Variants in CNTNAP5 observed in about 807,000 individuals in gnomAD.
The protein encoded by CNTNAP5 is contactin-associated protein-like 5.
CNTNAP5 carries 72 observed loss-of-function variants against 150.2 expected under a neutral mutation model. The observed-to-expected ratio is 0.48, with a 90% confidence interval of 0.40 to 0.58. The LOEUF is 0.58. Among genes scored for constraint, CNTNAP5 ranks in the 20% least tolerant of loss-of-function variants. CNTNAP5 has a pLI of 0.00. For synonymous variants in CNTNAP5, 672 were observed against 619.8 expected (o/e 1.08, Z -1.25); for missense variants, 1,636 against 1,626.2 (o/e 1.01, Z -0.10).
chr2:124,532,145 G>C (rs746808721), intron 10 of CNTNAP5, among the ~76,000 whole-genome samples: 3 of 152,194 alleles, frequency 2.0e-5, no homozygotes, highest in Non-Finnish European at 2.9e-5. Flanking sequence ...AGCTCAAAGT[G>C]GGGGAGTAGA....
At chr2:124,472,025 C>A (rs1046830313) in intron 6 of CNTNAP5, among the ~76,000 whole-genome samples, 3 of 151,860 alleles carry the variant, frequency 2.0e-5, no homozygotes, top group African/African-American at 7.3e-5. Flanking sequence ...GATTTAGGAG[C>A]CATTCATATG....
chr2:124,355,086 T>C (rs1410245820), intron 3 of CNTNAP5, among the ~76,000 whole-genome samples: 1 of 150,566 alleles, frequency 6.6e-6, no homozygotes, highest in Non-Finnish European at 1.5e-5. Context: ...ATTTATAATA[T>C]AATATATTTA....
At chr2:124,855,746 C>G (rs1677358144) in intron 19 of CNTNAP5, among the ~76,000 whole-genome samples, 1 of 151,782 alleles carries the variant, frequency 6.6e-6, no homozygotes, top group Non-Finnish European at 1.5e-5. Context: ...TTTTGGGGAA[C>G]AGTTGGTATT....
At chr2:124,827,310 A>G (rs1160591637) in intron 19 of CNTNAP5, among the ~76,000 whole-genome samples, 6 of 152,096 alleles carry the variant, frequency 3.9e-5, no homozygotes, top group East Asian at 3.9e-4. Context: ...GCTGGTGGCG[A>G]GTCACAGGGG....
chr2:124,818,411 C>T (rs772554089), intron 19 of CNTNAP5, among the ~76,000 whole-genome samples: 1 of 152,072 alleles, frequency 6.6e-6, no homozygotes, highest in Non-Finnish European at 1.5e-5. Context: ...TAGGTTGTCC[C>T]AGCTACTTGG....
intron 1 of CNTNAP5, among the ~76,000 whole-genome samples, chr2:124,114,810 CAT>C (rs1298843149): frequency 1.3e-5 from 2 of 151,354 alleles, no homozygotes; most frequent in Non-Finnish European, 3.0e-5. Context: ...ATATACCAAA[CAT>C]ATGGATATAT....
At chr2:124,465,734 A>G (rs978085107) in intron 6 of CNTNAP5, among the ~76,000 whole-genome samples, 8 of 152,200 alleles carry the variant, frequency 5.3e-5, no homozygotes, top group East Asian at 1.9e-4. Flanking sequence ...AAATATCTCA[A>G]TGCAAAAGAC....
intron 21 of CNTNAP5, among the ~76,000 whole-genome samples, chr2:124,894,502 A>G (rs1678263338): frequency 6.6e-6 from 1 of 151,312 alleles, no homozygotes; most frequent in Admixed American, 6.6e-5. Flanking sequence ...TCCCAAAGAA[A>G]TGAGATTTTA....
At chr2:124,437,177 G>A (rs920989219) in intron 5 of CNTNAP5, among the ~76,000 whole-genome samples, 1 of 152,142 alleles carries the variant, frequency 6.6e-6, no homozygotes, top group Admixed American at 6.5e-5. Context: ...TCCTAAAGTA[G>A]GTACTTGAGG....
chr2:124,834,791 G>GTATATA lies in CNTNAP5; in HGVS notation c.3218-30502_3218-30497dup, dbSNP rs35344366. 4.2e-3 allele frequency among the ~76,000 whole-genome samples: 626 copies of GTATATA among 147,500 alleles called. 4 individuals carry two copies. The highest frequency in any genetic ancestry group is 0.011 in the African/African-American group (441 of 40,326). Reference sequence around the variant, plus strand: ...AAAGATACCTTTAAAATATTTCACAGTATATATATATATATATACTTATCA... The same window carrying GTATATA: ...AAAGATACCTTTAAAATATTTCACAGTATATATATATATATATATATATACTTATCA... On this transcript the variant is annotated intron_variant, in intron 19 of 23. Transcript: ENST00000682447.
At chr2:124,344,938 C>T (rs1689702292) in intron 3 of CNTNAP5, among the ~76,000 whole-genome samples, 1 of 152,152 alleles carries the variant, frequency 6.6e-6, no homozygotes, top group Non-Finnish European at 1.5e-5. Context: ...TACATGGCTA[C>T]CAGTCTCTGT....
At chr2:124,419,988 C>CTTTTTTT (rs772589224) in intron 4 of CNTNAP5, among the ~76,000 whole-genome samples, 4 of 78,872 alleles carry the variant, frequency 5.1e-5, no homozygotes, top group African/African-American at 9.9e-5. Context: ...TTCTTTCTTT[C>CTTTTTTT]TTTTTTTTTT....
chr2:124,209,954 C>A (rs1444428419), intron 1 of CNTNAP5, among the ~76,000 whole-genome samples: 1 of 152,162 alleles, frequency 6.6e-6, no homozygotes, highest in African/African-American at 2.4e-5. Context: ...CAAATATAAA[C>A]ACAGCCAATA....
chr2:124,453,014 C>G (rs1693026494), intron 6 of CNTNAP5, among the ~76,000 whole-genome samples: 3 of 152,038 alleles, frequency 2.0e-5, no homozygotes, highest in Admixed American at 2.0e-4. Flanking sequence ...AGCAATGGAT[C>G]CAAATCAAGA....
rs555349339 is a variant in CNTNAP5, at chr2:124,861,791, G to A, written c.3218-3515G>A. On this transcript the variant is annotated intron_variant, in intron 19 of 23. Transcript: ENST00000682447. The stretch of plus-strand genomic sequence containing the variant: ...CCAGAAGCAACTAAGGCTCAAATTA[G>A]TTTTATTTTTATTTATTTTATTCTA... Among the ~76,000 whole-genome samples, 4 of 151,896 alleles carry A rather than the reference G, an allele frequency of 2.6e-5. No homozygotes were observed. The South Asian group carries it at 8.3e-4, about 32-fold the overall frequency.
At chr2:124,766,002 C>T (rs773408548) in intron 16 of CNTNAP5, among the ~76,000 whole-genome samples, 10 of 152,020 alleles carry the variant, frequency 6.6e-5, no homozygotes, top group Non-Finnish European at 1.0e-4. Context: ...ACAGTAGCTT[C>T]AGCATCTATT....
intron 5 of CNTNAP5, among the ~76,000 whole-genome samples, chr2:124,443,755 A>G (rs895041963): frequency 3.9e-5 from 6 of 151,904 alleles, no homozygotes; most frequent in Non-Finnish European, 7.4e-5. Context: ...TAGTTGATTA[A>G]AGGCCACAAA....
intron 13 of CNTNAP5, among the ~76,000 whole-genome samples, chr2:124,668,674 G>A (rs1678748961): frequency 6.6e-6 from 1 of 152,092 alleles, no homozygotes; most frequent in African/African-American, 2.4e-5. Context: ...ATTTTAATGT[G>A]TTATAAAAAG....
rs938636408 is a variant in CNTNAP5, at chr2:124,813,124, T to C, written c.3217+14804T>C. On this transcript the variant is annotated intron_variant, in intron 19 of 23. Transcript: ENST00000682447. ...TGGAGTCTTGCTCTGTCGCCCAGGC[T>C]GGAGTGCAGTGGTGTGATCTCGGCT... Among the ~76,000 whole-genome samples, 3 of 152,052 alleles carry C rather than the reference T, an allele frequency of 2.0e-5. 1 individual carries two copies. The highest frequency in any genetic ancestry group is 6.6e-5 in the Admixed American group (1 of 15,256).
Sources: gnomAD v4.1 joint callset for allele counts (sites outside exome capture counted in the v4.1 genomes callset) on GRCh38, gnomAD v4.1.1 for gene constraint, MANE v1.5 for transcripts, NCBI Gene and HGNC (gene_info 2026-07-23, HGNC 2026-07-21) for gene names.